Variants in LRP1B observed in about 807,000 individuals in gnomAD.
LRP1B encodes the protein LDL receptor related protein 1B, also known as low-density lipoprotein receptor-related protein 1B.
In LRP1B, 217 loss-of-function variants were observed where a neutral mutation model predicts 556.6. The ratio of observed to expected loss-of-function variants is 0.39; its 90% CI spans 0.35 to 0.44. The LOEUF is 0.44. LRP1B is among the 20% of genes least tolerant of loss of function. LRP1B has a pLI of 1.00. For synonymous variants in LRP1B, 2,047 were observed against 1,865.8 expected (o/e 1.10, Z -2.50); for missense variants, 5,053 against 5,620.8 (o/e 0.90, Z 3.23).
chr2:141,378,971 T>C (rs543174916), intron 3 of LRP1B, among the ~76,000 whole-genome samples: 114 of 152,186 alleles, frequency 7.5e-4, no homozygotes, highest in African/African-American at 2.6e-3. Context: ...TACATTATAG[T>C]TGAAAACTTC....
intron 2 of LRP1B, among the ~76,000 whole-genome samples, chr2:141,772,858 G>T (rs899011773): frequency 6.6e-6 from 1 of 152,092 alleles, no homozygotes; most frequent in African/African-American, 2.4e-5. Context: ...CTTCAAGAAG[G>T]CTTCTCAGTT....
At chr2:141,924,929 A>G (rs1404295183) in intron 1 of LRP1B, among the ~76,000 whole-genome samples, 2 of 152,172 alleles carry the variant, frequency 1.3e-5, no homozygotes, top group African/African-American at 2.4e-5. Context: ...TCCTCAGAGA[A>G]TGGAAGGTGT....
intron 4 of LRP1B, among the ~76,000 whole-genome samples, chr2:141,253,889 G>A (rs1225616604): frequency 1.3e-5 from 2 of 151,642 alleles, no homozygotes; most frequent in Non-Finnish European, 2.9e-5. Context: ...ATCATACAAA[G>A]CAATGCATTT....
intron 2 of LRP1B, among the ~76,000 whole-genome samples, chr2:141,809,384 T>TC (rs760143502): frequency 6.6e-6 from 1 of 152,116 alleles, no homozygotes; most frequent in Non-Finnish European, 1.5e-5. Context: ...GATTTTTTTT[T>TC]CACATTAGCT....
chr2:141,726,696 A>G (rs984147524), intron 2 of LRP1B, among the ~76,000 whole-genome samples: 40 of 152,112 alleles, frequency 2.6e-4, no homozygotes, highest in Non-Finnish European at 7.4e-5. Flanking sequence ...TATAAAAAAT[A>G]AACCCAACCA....
intron 43 of LRP1B, among the ~76,000 whole-genome samples, chr2:140,596,936 G>T (rs1003510699): frequency 1.3e-5 from 2 of 152,072 alleles, no homozygotes; most frequent in Non-Finnish European, 2.9e-5. Flanking sequence ...AGCTAGTAGG[G>T]CGATTAGTAA....
chr2:141,348,410 A>G (rs1688328203), intron 3 of LRP1B, among the ~76,000 whole-genome samples: 2 of 152,044 alleles, frequency 1.3e-5, no homozygotes, highest in South Asian at 4.1e-4. Context: ...TAAGATTTCA[A>G]AGCAAATGAG....
chr2:142,075,953 C>T (rs1333032411), intron 1 of LRP1B, among the ~76,000 whole-genome samples: 2 of 152,084 alleles, frequency 1.3e-5, no homozygotes, highest in East Asian at 3.9e-4. Context: ...GCTCTGTAGG[C>T]TTCAATTAAG....
intron 78 of LRP1B, among the ~76,000 whole-genome samples, 168 bp downstream of exon 78, chr2:140,335,447 G>C (rs1476865542): frequency 6.6e-6 from 1 of 151,764 alleles, no homozygotes; most frequent in Non-Finnish European, 1.5e-5. Flanking sequence ...ATCATCATTT[G>C]GTATGAATAG....
intron 43 of LRP1B, among the ~76,000 whole-genome samples, chr2:140,589,751 T>A (rs1407704979): frequency 6.6e-6 from 1 of 152,264 alleles, no homozygotes; most frequent in East Asian, 1.9e-4. Flanking sequence ...TATAAAGAAG[T>A]TATAAAGTTT....
At chr2:140,679,304 A>T (rs138612205) in intron 41 of LRP1B, among the ~76,000 whole-genome samples, 1,625 of 152,292 alleles carry the variant, frequency 0.011, 14 homozygotes, top group Non-Finnish European at 0.013. Context: ...TCAATATATC[A>T]ATTTAGAGGA....
chr2:140,387,216 G>T (rs1214844265), intron 66 of LRP1B, among the ~76,000 whole-genome samples: 1 of 152,078 alleles, frequency 6.6e-6, no homozygotes, highest in East Asian at 1.9e-4. Context: ...TAAAGGAGTG[G>T]GTAGGTTATT....
chr2:141,356,801 G>A (rs1688643264), intron 3 of LRP1B, among the ~76,000 whole-genome samples: 1 of 152,038 alleles, frequency 6.6e-6, no homozygotes, highest in African/African-American at 2.4e-5. Flanking sequence ...CAAAGGTATA[G>A]GCAGTGTCAG....
At chr2:141,131,805 G>T (rs12475448) in intron 7 of LRP1B, among the ~76,000 whole-genome samples, 64,303 of 151,564 alleles carry the variant, frequency 0.42, 14,814 homozygotes, top group Non-Finnish European at 0.52. Context: ...TGAATATTAT[G>T]AATTCTCTCA....
In LRP1B at chr2:140,298,004, T is replaced by C. The variant is rs777714602; in HGVS notation, c.12806-35A>G. On this transcript the variant is annotated intron_variant, in intron 83 of 90. Transcript: ENST00000389484. ...ACAATAAGTAATAAAAAGCAAATTA[T>C]TCAACCAAAATAGTTTATTTTCAAG... 1.2e-5 allele frequency: 19 copies of C among 1,547,062 alleles called. No homozygotes were observed. The East Asian group carries it at 4.4e-4, about 36-fold the overall frequency.
intron 32 of LRP1B, among the ~76,000 whole-genome samples, chr2:140,803,366 T>C (rs1223258086): frequency 7.1e-6 from 1 of 140,008 alleles, no homozygotes; most frequent in Non-Finnish European, 1.5e-5. Context: ...AACCTCCACC[T>C]CCCGGGTTCA....
chr2:140,884,021 C>G lies in LRP1B; in HGVS notation c.3965G>C (p.Gly1322Ala), dbSNP rs2105187745. ...IYRGKLSESG[G>A]VSAIEVVVEH... ...CACAACCACTTCAATGGCACTGACA[C>G]CTACAAAAGAAGGAAAACCAACATG... Residue 1322 changes from glycine (G) to alanine (A), a missense_variant and splice_region_variant, in exon 25 of 91, where the codon GGT becomes GCT. By Grantham distance (60) the Gly-to-Ala change is moderately conservative. Transcript: ENST00000389484. 6.2e-7 allele frequency: 1 copy of G among 1,612,080 alleles called. No individual in the cohort carries two copies. Among genetic ancestry groups the G allele is most frequent in the Non-Finnish European group, 8.5e-7 (1 of 1,179,656 alleles).
intron 2 of LRP1B, among the ~76,000 whole-genome samples, chr2:141,552,439 A>T (rs1685788579): frequency 6.6e-6 from 1 of 151,942 alleles, no homozygotes; most frequent in Non-Finnish European, 1.5e-5. Context: ...CAAATCATAG[A>T]CTCCAAATTT....
intron 7 of LRP1B, among the ~76,000 whole-genome samples, chr2:141,145,022 A>G (rs1224154411): frequency 6.6e-6 from 1 of 152,224 alleles, no homozygotes. Flanking sequence ...AATTGGCTCT[A>G]TCTCGAAAGA....
Sources: gnomAD v4.1 joint callset for allele counts (sites outside exome capture counted in the v4.1 genomes callset) on GRCh38, gnomAD v4.1.1 for gene constraint, MANE v1.5 for transcripts, NCBI Gene and HGNC (gene_info 2026-07-23, HGNC 2026-07-21) for gene names.